LRP5: variants seen among roughly 807,000 people sequenced by gnomAD.
LRP5 encodes the protein low-density lipoprotein receptor-related protein 5.
A neutral mutation model predicts 154.1 loss-of-function variants in LRP5; 62 were observed. That is an observed-to-expected ratio of 0.40 (90% confidence interval 0.33 to 0.50). LRP5 has a LOEUF of 0.50. Among genes scored for constraint, LRP5 ranks in the 20% least tolerant of loss-of-function variants. LRP5 has a pLI of 0.55. For missense variants in LRP5, 1,915 were observed against 2,336.7 expected (o/e 0.82, Z 3.72); for synonymous variants, 966 against 1,011.5 (o/e 0.96, Z 0.85).
chr11:68,435,143 G>A (rs55685722), intron 18 of LRP5, among the ~76,000 whole-genome samples: 16,235 of 152,292 alleles, frequency 0.11, 1,083 homozygotes, highest in African/African-American at 0.18. Flanking sequence ...GGAGACCTAC[G>A]GCCTTCAAAG....
At chr11:68,382,512 T>G (rs566443151) in intron 5 of LRP5, among the ~76,000 whole-genome samples, 2 of 152,238 alleles carry the variant, frequency 1.3e-5, no homozygotes, top group South Asian at 4.2e-4. Context: ...ACGGATGGTG[T>G]CGTTCACCTA....
At chr11:68,351,726 G>A (rs1337650355) in intron 2 of LRP5, among the ~76,000 whole-genome samples, 1 of 152,228 alleles carries the variant, frequency 6.6e-6, no homozygotes, top group Non-Finnish European at 1.5e-5. Context: ...CAGTGAGTGG[G>A]AGGAGATGGT....
At chr11:68,404,976 C>CAA (rs57270982) in intron 8 of LRP5, among the ~76,000 whole-genome samples, 10 of 41,036 alleles carry the variant, frequency 2.4e-4, no homozygotes, top group African/African-American at 4.9e-4. Flanking sequence ...GACTCCGTCT[C>CAA]AAAAAAAAAA....
chr11:68,388,471 G>A (rs971941799), intron 6 of LRP5, among the ~76,000 whole-genome samples: 1 of 152,034 alleles, frequency 6.6e-6, no homozygotes, highest in Non-Finnish European at 1.5e-5. Flanking sequence ...AGCTGGAAGC[G>A]GGAGGCAGAG....
At chr11:68,323,487 C>G (rs1467106411) in intron 1 of LRP5, among the ~76,000 whole-genome samples, 1 of 151,928 alleles carries the variant, frequency 6.6e-6, no homozygotes, top group Non-Finnish European at 1.5e-5. Context: ...TCACAGCCTA[C>G]TGCAGCCTCT....
At chr11:68,303,061 G>T in the LRP5 span, among the ~76,000 whole-genome samples, 3 of 152,222 alleles carry the variant, frequency 2.0e-5, no homozygotes, top group African/African-American at 7.2e-5. Flanking sequence ...CAGAAAGAGA[G>T]AAGGAGCTGG....
intron 4 of LRP5, among the ~76,000 whole-genome samples, chr11:68,364,227 G>A (rs1404614353): frequency 6.6e-6 from 1 of 151,952 alleles, no homozygotes; most frequent in Non-Finnish European, 1.5e-5. Flanking sequence ...CAGTGGCAAG[G>A]GGATTTCCAA....
intron 21 of LRP5, among the ~76,000 whole-genome samples, chr11:68,444,670 T>A (rs1204345368): frequency 6.7e-6 from 1 of 149,444 alleles, no homozygotes; most frequent in Non-Finnish European, 1.5e-5. Context: ...GCTGCACTGG[T>A]GGATCTTGCC....
intron 9 of LRP5, among the ~76,000 whole-genome samples, chr11:68,409,066 AAAAAAAAAT>A (rs1221416299): frequency 4.5e-5 from 2 of 44,880 alleles, no homozygotes; most frequent in Non-Finnish European, 4.5e-5. Context: ...AAAAAAAAAA[AAAAAAAAAT>A]ATATATATAT....
rs2098629345 is a variant in LRP5 at position 68,363,804 on chromosome 11, C to T, written c.744C>T (p.Asp248=). 4.3e-6 allele frequency: 7 copies of T among 1,613,140 alleles called. No individual in the cohort carries two copies. Among genetic ancestry groups the T allele is most frequent in the Admixed American group, 1.7e-5 (1 of 59,976 alleles). ...THPFALTLSG[D]TLYWTDWQTR... is the part of the protein sequence containing the mutation. The stretch of plus-strand genomic sequence containing the variant: ...CCTTCGCCCTGACGCTCTCCGGGGA[C>T]ACTCTGTACTGGACAGACTGGCAGA... Residue 248 remains aspartate, a synonymous_variant, in exon 4 of 23, where the codon GAC becomes GAT. Transcript: ENST00000294304.
intron 1 of LRP5, among the ~76,000 whole-genome samples, chr11:68,333,480 C>G (rs1298987155): frequency 6.6e-6 from 1 of 152,156 alleles, no homozygotes; most frequent in East Asian, 1.9e-4. Context: ...TCTCCCTGGT[C>G]CCTGTCATTT....
At chr11:68,363,021 A>G (rs1260548988) in intron 3 of LRP5, among the ~76,000 whole-genome samples, 1 of 152,224 alleles carries the variant, frequency 6.6e-6, no homozygotes, top group Admixed American at 6.5e-5. Flanking sequence ...CCGAGTCCTC[A>G]TTTGCTGGGC....
At chr11:68,311,206 C>T (rs190369722), upstream of LRP5, among the ~76,000 whole-genome samples, 1 of 152,306 alleles carries the variant, frequency 6.6e-6, no homozygotes, top group South Asian at 2.1e-4. Flanking sequence ...TAAATCCTAG[C>T]CTGGCTTCCC....
intron 2 of LRP5, among the ~76,000 whole-genome samples, chr11:68,348,653 A>G (rs534414835): frequency 2.0e-5 from 3 of 151,080 alleles, no homozygotes; most frequent in African/African-American, 7.4e-5. Context: ...TGCGACTCTG[A>G]AAATGAACCC....
intron 5 of LRP5, among the ~76,000 whole-genome samples, chr11:68,381,902 C>T (rs2098640451): frequency 6.6e-6 from 1 of 152,224 alleles, no homozygotes; most frequent in Admixed American, 6.5e-5. Context: ...GCTGTGGGCA[C>T]CAGCCTTGGC....
chr11:68,422,196 C>T (rs938023223), intron 13 of LRP5, among the ~76,000 whole-genome samples: 10 of 152,210 alleles, frequency 6.6e-5, no homozygotes, highest in Non-Finnish European at 8.8e-5. Flanking sequence ...GATTCTCCCA[C>T]CTCAGTTTCC....
intron 18 of LRP5, among the ~76,000 whole-genome samples, 194 bp downstream of exon 18, chr11:68,434,032 G>T (rs532932645): frequency 6.6e-6 from 1 of 152,320 alleles, no homozygotes; most frequent in Non-Finnish European, 1.5e-5. Flanking sequence ...CAGGTAGTGT[G>T]GCTTGAAGGC....
Position 68,403,471 on chromosome 11 carries a change from G to C in LRP5, c.1585-12G>C. The C allele has an allele frequency of 6.2e-7, 1 of 1,613,120 alleles. No homozygotes were observed. Among genetic ancestry groups the C allele is most frequent in the South Asian group, 1.1e-5 (1 of 91,066 alleles). On this transcript the variant is annotated splice_polypyrimidine_tract_variant and intron_variant, in intron 7 of 22. Coordinates refer to ENST00000294304, the MANE Select transcript of LRP5 (RefSeq NM_002335.4). The stretch of plus-strand genomic sequence containing the variant: ...CTGGCCCATCCAGACCTATATTTCT[G>C]CCGTCCTGCAGGTGATCAATGTTGA...
intron 1 of LRP5, among the ~76,000 whole-genome samples, chr11:68,346,195 T>C (rs1362230023): frequency 3.3e-5 from 5 of 152,278 alleles, no homozygotes; most frequent in African/African-American, 1.2e-4. Context: ...TTTGTCTTTA[T>C]TTGTGGCCTA....
Sources: gnomAD v4.1 joint callset for allele counts (sites outside exome capture counted in the v4.1 genomes callset) on GRCh38, gnomAD v4.1.1 for gene constraint, MANE v1.5 for transcripts, NCBI Gene and HGNC (gene_info 2026-07-23, HGNC 2026-07-21) for gene names.